CCDC102B: variants seen among roughly 807,000 people sequenced by gnomAD.
CCDC102B encodes the protein coiled-coil domain-containing protein 102B.
CCDC102B carries 75 observed loss-of-function variants against 57.4 expected under a neutral mutation model. The observed-to-expected ratio is 1.31, with a 90% CI of 1.08 to 1.58. The LOEUF (loss-of-function observed/expected upper bound fraction) is 1.58. Ranked by LOEUF, CCDC102B falls within the 40% of genes most tolerant of loss-of-function variation. The pLI is 0.00. For synonymous variants in CCDC102B, 206 were observed against 201.9 expected (o/e 1.02, Z -0.17); for missense variants, 636 against 582.6 (o/e 1.09, Z -0.94).
intron 1 of CCDC102B, among the ~76,000 whole-genome samples, chr18:68,824,531 C>A (rs540071565): frequency 2.0e-5 from 3 of 152,156 alleles, no homozygotes; most frequent in African/African-American, 4.8e-5. Context: ...GCCAGGATTT[C>A]GAGTACTATG....
chr18:68,859,888 G>C (rs2144875241), intron 4 of CCDC102B, among the ~76,000 whole-genome samples: 1 of 82,064 alleles, frequency 1.2e-5, no homozygotes, highest in African/African-American at 3.4e-5. Flanking sequence ...GTGGAGGTCA[G>C]TGTGGCGATT....
intron 7 of CCDC102B, among the ~76,000 whole-genome samples, chr18:69,041,528 G>A (rs1169921189): frequency 6.6e-6 from 1 of 151,938 alleles, no homozygotes; most frequent in Non-Finnish European, 1.5e-5. Context: ...CCTTATAAAT[G>A]ATTGGCCGGT....
intron 7 of CCDC102B, among the ~76,000 whole-genome samples, chr18:69,020,040 CT>C (rs111551518): frequency 0.076 from 11,562 of 151,922 alleles, 835 homozygotes; most frequent in East Asian, 0.23. Context: ...ATTTTTTCCC[CT>C]GGTGCAAAAT....
intron 6 of CCDC102B, among the ~76,000 whole-genome samples, chr18:68,903,392 G>A (rs1294292159): frequency 6.6e-6 from 1 of 152,046 alleles, no homozygotes; most frequent in African/African-American, 2.4e-5. Context: ...CACTACAAAA[G>A]GATTAGACAT....
intron 2 of CCDC102B, among the ~76,000 whole-genome samples, chr18:68,719,389 A>G (rs1270182042): frequency 1.3e-5 from 2 of 152,226 alleles, no homozygotes; most frequent in East Asian, 3.8e-4. Flanking sequence ...AGTCCCTCTG[A>G]AAACCTGATA....
chr18:68,802,169 C>T (rs914289441), intron 1 of CCDC102B, among the ~76,000 whole-genome samples: 1 of 152,102 alleles, frequency 6.6e-6, no homozygotes, highest in Non-Finnish European at 1.5e-5. Flanking sequence ...AGAATAATCT[C>T]AGGGATTGTC....
intron 6 of CCDC102B, among the ~76,000 whole-genome samples, chr18:68,968,517 C>T (rs1355345981): frequency 1.3e-5 from 2 of 152,126 alleles, no homozygotes; most frequent in African/African-American, 4.8e-5. Context: ...AGATATTTAT[C>T]ACCTTCGAAA....
chr18:68,822,714 G>A (rs918999600), intron 1 of CCDC102B, among the ~76,000 whole-genome samples: 3 of 152,156 alleles, frequency 2.0e-5, no homozygotes, highest in Non-Finnish European at 2.9e-5. Context: ...ACTTTAAAGT[G>A]AGAACATGCG....
At chr18:68,956,749 A>G (rs1255072610) in intron 6 of CCDC102B, among the ~76,000 whole-genome samples, 1 of 149,174 alleles carries the variant, frequency 6.7e-6, no homozygotes, top group Non-Finnish European at 1.5e-5. Context: ...GCCACCAACA[A>G]TGTACAAGGG....
At chr18:68,922,956 AG>A (rs2041337907) in intron 6 of CCDC102B, among the ~76,000 whole-genome samples, 1 of 152,104 alleles carries the variant, frequency 6.6e-6, no homozygotes, top group African/African-American at 2.4e-5. Flanking sequence ...GACTTGCTCA[AG>A]TCTGACATTA....
chr18:69,022,684 T>A (rs899248792), intron 7 of CCDC102B, among the ~76,000 whole-genome samples: 11 of 152,216 alleles, frequency 7.2e-5, no homozygotes, highest in African/African-American at 2.4e-4. Flanking sequence ...TTTATCCTCA[T>A]CCCCCACTCC....
rs2050708014 is a variant in CCDC102B at position 68,985,815 on chromosome 18, G to T, written c.1264-25119G>T. Among the ~76,000 whole-genome samples the T allele has an allele frequency of 1.3e-5, 2 of 152,086 alleles. 1 individual carries two copies. Among genetic ancestry groups the T allele is most frequent in the African/African-American group, 4.8e-5 (2 of 41,404 alleles). On this transcript the variant is annotated intron_variant, in intron 6 of 7. Coordinates refer to ENST00000360242, the MANE Select transcript of CCDC102B (RefSeq NM_024781.3). ...TCTACCAGGAAGCTACTAGCAAGAG[G>T]CCCTGGGAAATTGATTTCTGTGCAA...
At chr18:68,825,391 A>G (rs555470923) in intron 1 of CCDC102B, among the ~76,000 whole-genome samples, 106 of 152,322 alleles carry the variant, frequency 7.0e-4, no homozygotes, top group African/African-American at 2.5e-3. Flanking sequence ...TTGGATTTTA[A>G]GTTTAAAAAT....
rs1454453725 is a variant in CCDC102B at position 68,827,789 on chromosome 18, C to T, written c.-15-8960C>T. Among the ~76,000 whole-genome samples, 4 of 151,996 alleles carry T rather than the reference C, an allele frequency of 2.6e-5. No homozygotes were observed. In the East Asian group the frequency reaches 7.7e-4, roughly 29 times the overall value. On this transcript the variant is annotated intron_variant, in intron 1 of 7. Coordinates refer to ENST00000360242, the MANE Select transcript of CCDC102B (RefSeq NM_024781.3). ...TTAGTAAGGAACTTAACAAGAAACT[C>T]ACTTCCTCAGATCATCAATTAAGAT...
intron 7 of CCDC102B, among the ~76,000 whole-genome samples, chr18:69,011,897 G>A (rs1460130961): frequency 1.3e-5 from 2 of 151,990 alleles, no homozygotes; most frequent in East Asian, 1.9e-4. Flanking sequence ...TTTTTCCATG[G>A]AGTAATTTAA....
chr18:69,052,571 C>A (rs1033956241), intron 7 of CCDC102B, among the ~76,000 whole-genome samples: 7 of 151,802 alleles, frequency 4.6e-5, no homozygotes, highest in African/African-American at 1.7e-4. Context: ...AAAAGATCAT[C>A]ATTAGGTAAT....
chr18:68,824,817 CAA>C (rs2036840928), intron 1 of CCDC102B, among the ~76,000 whole-genome samples: 1 of 152,106 alleles, frequency 6.6e-6, no homozygotes, highest in Non-Finnish European at 1.5e-5. Context: ...GTAATAATAA[CAA>C]TGATTAAAAT....
At chr18:68,868,050 CAAT>C (rs1454838437) in intron 4 of CCDC102B, among the ~76,000 whole-genome samples, 3 of 151,946 alleles carry the variant, frequency 2.0e-5, no homozygotes, top group Admixed American at 1.3e-4. Flanking sequence ...TATTATTTCT[CAAT>C]GATATTTCCT....
rs115377371 is a variant in CCDC102B at position 68,791,156 on chromosome 18, T to A, written c.-66-32210T>A. 1.3e-3 allele frequency among the ~76,000 whole-genome samples: 196 copies of A among 152,312 alleles called. 1 individual carries two copies. The highest frequency in any genetic ancestry group is 4.6e-3 in the African/African-American group (191 of 41,564). The stretch of plus-strand genomic sequence containing the variant: ...TATGCATTGAGGAGGATTAGTTCTG[T>A]CTTGAAAGAGATTATTTAGCAAGGG... On this transcript the variant is annotated intron_variant, in intron 2 of 3. Coordinates refer to the CCDC102B transcript ENST00000578970.
Sources: gnomAD v4.1 joint callset for allele counts (sites outside exome capture counted in the v4.1 genomes callset) on GRCh38, gnomAD v4.1.1 for gene constraint, MANE v1.5 for transcripts, NCBI Gene and HGNC (gene_info 2026-07-23, HGNC 2026-07-21) for gene names.